THUMPD3: variants seen among roughly 807,000 people sequenced by gnomAD.
THUMPD3 encodes the protein THUMP domain 3 tRNA guanosine methyltransferase, also known as tRNA (guanine(6)-N(2))-methyltransferase THUMP3.
THUMPD3 carries 44 observed loss-of-function variants against 54.5 expected under a neutral mutation model. The ratio of observed to expected loss-of-function variants is 0.81; its 90% CI spans 0.63 to 1.04. The LOEUF is 1.04. THUMPD3 is among the 50% of genes least tolerant of loss of function. THUMPD3 has a pLI of 0.00. For missense variants in THUMPD3, 604 were observed against 601.3 expected, an observed-to-expected ratio of 1.00 and a Z score of -0.05; for synonymous variants, 196 against 201.4, an observed-to-expected ratio of 0.97 and a Z score of 0.23.
chr3:9,383,103 A>T lies in THUMPD3; in HGVS notation c.1125-96A>T, dbSNP rs559742548. On this transcript the variant is annotated intron_variant, in intron 7 of 9. Coordinates refer to ENST00000452837, the MANE Select transcript of THUMPD3 (RefSeq NM_001114092.2). ...TTATCACTGATATCCTTAGCAGTTT[A>T]TGTTTTGCTGTAGCAGTCTCTCTTC... 4 of 745,744 alleles carry T rather than the reference A, an allele frequency of 5.4e-6. No individual in the cohort carries two copies. In the South Asian group the frequency reaches 6.2e-5, roughly 11 times the overall value. 46.2% of individuals were successfully genotyped at this position (745,744 alleles called of 1,614,324 possible). A position where few individuals can be genotyped will look rare whatever the true frequency, so the allele number is the denominator to read the frequency against.
At position 9,384,584 on chromosome 3, in the gene THUMPD3, G is replaced by A; in HGVS notation, c.1420G>A (p.Gly474Ser). The A allele has an allele frequency of 6.2e-7, 1 of 1,614,156 alleles. No individual in the cohort carries two copies. Among genetic ancestry groups the A allele is most frequent in the Non-Finnish European group, 8.5e-7 (1 of 1,180,032 alleles). ...GGATACAGTCTGGGTGAACGTTGGT[G>A]GTCTTCGTGCTGCAGTTTACGTTCT... is the stretch of plus-strand genomic sequence containing the variant. ...KVDTVWVNVGGLRAAVYVLIR... is the reference protein window; with the variant it reads ...KVDTVWVNVGSLRAAVYVLIR... Residue 474 changes from glycine (G) to serine (S), a missense_variant, in exon 10 of 10, where the codon GGT becomes AGT. Coordinates refer to ENST00000452837, the MANE Select transcript of THUMPD3 (RefSeq NM_001114092.2).
chr3:9,371,043 T>G lies in THUMPD3; in HGVS notation c.331-17T>G. On this transcript the variant is annotated splice_polypyrimidine_tract_variant and intron_variant, in intron 3 of 9. Coordinates refer to ENST00000452837, the MANE Select transcript of THUMPD3 (RefSeq NM_001114092.2). ...AGTGGTGAGAAATGAATGAATTTCT[T>G]TCTCTGTCCTTTACAGGAAGAAGTT... 6.6e-7 allele frequency: 1 copy of G among 1,518,114 alleles called. No homozygotes were observed. 94.0% of individuals were successfully genotyped at this position (1,518,114 alleles called of 1,614,324 possible). A position where few individuals can be genotyped will look rare whatever the true frequency, so the allele number is the denominator to read the frequency against.
At position 9,371,431 on chromosome 3, in the gene THUMPD3, A is replaced by C. The variant is rs1195870797; in HGVS notation, c.702A>C (p.Ala234=). 1.9e-6 allele frequency: 3 copies of C among 1,614,204 alleles called. No homozygotes were observed. The highest frequency in any genetic ancestry group is 2.2e-5 in the East Asian group (1 of 44,884). ...VLKFRVTCNR[A]GEKHCFTSNE... ...AGTTTAGAGTCACATGCAACAGGGC[A>C]GGAGAGAAACATTGCTTTACCTCAA... The change falls in exon 4 of 10, where the codon GCA becomes GCC. Residue 234 remains alanine, a synonymous_variant. Transcript: ENST00000452837.
chr3:9,372,861 T>C (rs2032168554), intron 4 of THUMPD3, among the ~76,000 whole-genome samples: 1 of 152,214 alleles, frequency 6.6e-6, no homozygotes, highest in Non-Finnish European at 1.5e-5. Flanking sequence ...TCCGTTGCTT[T>C]TGGGACACTT....
In THUMPD3 at chr3:9,381,530, TAAGAC is replaced by T. The variant is rs552480639; in HGVS notation, c.1124+916_1124+920del. On this transcript the variant is annotated intron_variant, in intron 7 of 9. Transcript: ENST00000452837. The stretch of plus-strand genomic sequence containing the variant: ...CAACATTAAATCCTTTTACGTGTAT[TAAGAC>T]AAGTAGTTGGAAGGCTTCAATTTTC... Among the ~76,000 whole-genome samples, 7 of 152,100 alleles carry T rather than the reference TAAGAC, an allele frequency of 4.6e-5. No homozygotes were observed. The South Asian group carries it at 1.2e-3, about 27-fold the overall frequency.
chr3:9,374,983 T>G (rs1026694371), intron 5 of THUMPD3, among the ~76,000 whole-genome samples: 1 of 152,172 alleles, frequency 6.6e-6, no homozygotes, highest in Non-Finnish European at 1.5e-5. Context: ...CTCAGCCGAA[T>G]AGCTGGGATT....
intron 7 of THUMPD3, 102 bp from the exon 8 acceptor site, chr3:9,383,097 C>A: frequency 1.4e-6 from 1 of 708,546 alleles, no homozygotes; most frequent in Non-Finnish European, 2.5e-6. Flanking sequence ...ATATCCTTAG[C>A]AGTTTATGTT....
chr3:9,384,138 C>CT, intron 8 of THUMPD3, 74 bp from the exon 9 acceptor site: 1 of 1,518,706 alleles, frequency 6.6e-7, no homozygotes, highest in Non-Finnish European at 8.9e-7. Flanking sequence ...ATGCATGAAA[C>CT]TGTTTTTGTT....
chr3:9,382,866 A>G (rs1445095966), intron 7 of THUMPD3: 1 of 184,462 alleles, frequency 5.4e-6, no homozygotes, highest in Non-Finnish European at 1.2e-5. Context: ...AGCTGGGACT[A>G]TAGGTGTGTG....
chr3:9,384,360 C>T (rs749509035), intron 9 of THUMPD3, 25 bp downstream of exon 9: 18 of 1,599,826 alleles, frequency 1.1e-5, no homozygotes, highest in South Asian at 9.0e-5. Flanking sequence ...AGCTCAAAAT[C>T]GCAGCCTGTG....
intron 4 of THUMPD3, among the ~76,000 whole-genome samples, chr3:9,371,846 A>G (rs1190457817): frequency 6.6e-6 from 1 of 152,234 alleles, no homozygotes; most frequent in East Asian, 1.9e-4. Context: ...TAAGTGCTCC[A>G]TAGATGGAAG....
rs372212986 is a variant in THUMPD3, at chr3:9,366,939, T to C, written c.284T>C (p.Phe95Ser). The C allele has an allele frequency of 1.2e-6, 2 of 1,613,460 alleles. No individual in the cohort carries two copies. Among genetic ancestry groups the C allele is most frequent in the Non-Finnish European group, 1.7e-6 (2 of 1,179,864 alleles). Residue 95 changes from phenylalanine (F) to serine (S), a missense_variant, in exon 3 of 10, where the codon TTT becomes TCT. Transcript: ENST00000452837. Reference sequence around the variant, plus strand: ...TGTCTGAGATCAGTTGATAACTTATTTGTGGTGGTTCAGGAGTTTCAAGAT... The same window carrying C: ...TGTCTGAGATCAGTTGATAACTTATCTGTGGTGGTTCAGGAGTTTCAAGAT... ...VHCLRSVDNL[F>S]VVVQEFQDYQ...
At chr3:9,371,768 C>A (rs2032058110) in intron 4 of THUMPD3, among the ~76,000 whole-genome samples, 1 of 152,180 alleles carries the variant, frequency 6.6e-6, no homozygotes, top group Non-Finnish European at 1.5e-5. Flanking sequence ...ATATTATGTA[C>A]CTTTAAGGTT....
chr3:9,382,534 T>C (rs958248795), intron 7 of THUMPD3, among the ~76,000 whole-genome samples: 1 of 152,222 alleles, frequency 6.6e-6, no homozygotes, highest in Non-Finnish European at 1.5e-5. Flanking sequence ...TTAGGCCTCC[T>C]GTTATTACTA....
intron 7 of THUMPD3, chr3:9,382,929 A>C (rs944650696): frequency 6.6e-6 from 2 of 301,782 alleles, no homozygotes; most frequent in African/African-American, 4.3e-5. Flanking sequence ...AAGGTCTCAC[A>C]GTGTTGCTCA....
In THUMPD3 at chr3:9,384,633, T is replaced by C; in HGVS notation, c.1469T>C (p.Val490Ala). The C allele has an allele frequency of 6.2e-7, 1 of 1,614,204 alleles. No individual in the cohort carries two copies. Among genetic ancestry groups the C allele is most frequent in the African/African-American group, 1.3e-5 (1 of 75,048 alleles). ...YVLIRTPQAF[V>A]HPSEQDGERG... ...CTGATACGTACACCTCAAGCTTTTG[T>C]TCATCCTTCAGAACAAGACGGAGAA... is the stretch of plus-strand genomic sequence containing the variant. The change falls in exon 10 of 10, where the codon GTT becomes GCT. Residue 490 changes from valine (V) to alanine (A), a missense_variant. Transcript: ENST00000452837.
In THUMPD3 at chr3:9,365,315, G is replaced by C; in HGVS notation, c.247G>C (p.Ala83Pro). Residue 83 changes from alanine to proline, a missense_variant, in exon 2 of 10, where the codon GCA becomes CCA. Coordinates refer to ENST00000452837, the MANE Select transcript of THUMPD3 (RefSeq NM_001114092.2). ...IYFVISVESL[A>P]QVHCLRSVDN... ...TTTTGTCATTTCAGTGGAAAGTCTG[G>C]CACAGGTTTGAATGGAGCAATATTT... 6.2e-7 allele frequency: 1 copy of C among 1,614,148 alleles called. No individual in the cohort carries two copies. Among genetic ancestry groups the C allele is most frequent in the Non-Finnish European group, 8.5e-7 (1 of 1,180,026 alleles).
At chr3:9,384,054 ACT>A (rs376124933) in intron 8 of THUMPD3, among the ~76,000 whole-genome samples, 156 bp from the exon 9 acceptor site, 11 of 152,330 alleles carry the variant, frequency 7.2e-5, no homozygotes, top group Admixed American at 2.0e-4. Context: ...CAGTTTACTA[ACT>A]CAACTTATTT....
chr3:9,384,699 T>G lies in THUMPD3; in HGVS notation c.*11T>G. ...CAATGCAAAGAATGAAGATGACTAA[T>G]AGTACTTGTACTTCCCACCACTGGA... On this transcript the variant is annotated 3_prime_UTR_variant, in exon 10 of 10. Coordinates refer to ENST00000452837, the MANE Select transcript of THUMPD3 (RefSeq NM_001114092.2). 1.9e-6 allele frequency: 3 copies of G among 1,614,028 alleles called. No homozygotes were observed. Among genetic ancestry groups the G allele is most frequent in the Non-Finnish European group, 2.5e-6 (3 of 1,179,908 alleles).
Sources: gnomAD v4.1 joint callset for allele counts (sites outside exome capture counted in the v4.1 genomes callset) on GRCh38, gnomAD v4.1.1 for gene constraint, MANE v1.5 for transcripts, NCBI Gene and HGNC (gene_info 2026-07-23, HGNC 2026-07-21) for gene names.